Variants in SOX6 observed in about 807,000 individuals in gnomAD.
The protein encoded by SOX6 is SRY-box transcription factor 6.
Under a neutral mutation model 97.8 loss-of-function variants are expected in SOX6, and 11 were observed. The ratio of observed to expected loss-of-function variants is 0.11; its 90% CI spans 0.07 to 0.19. The LOEUF is 0.19. SOX6 is among the 10% of genes least tolerant of loss of function. The probability of loss-of-function intolerance (pLI) is 1.00; values close to 1 mark genes in which losing one functional copy is unlikely to be tolerated. For synonymous variants in SOX6, 360 were observed against 371.4 expected (o/e 0.97, Z 0.35); for missense variants, 810 against 1,039.5 (o/e 0.78, Z 3.04).
At chr11:16,130,046 T>C (rs988641546) in intron 6 of SOX6, among the ~76,000 whole-genome samples, 8 of 151,972 alleles carry the variant, frequency 5.3e-5, no homozygotes, top group Non-Finnish European at 1.2e-4. Flanking sequence ...ATCATAATCA[T>C]AGAAAATCTT....
chr11:16,103,151 A>T (rs1454112931), intron 7 of SOX6, among the ~76,000 whole-genome samples: 2 of 152,080 alleles, frequency 1.3e-5, no homozygotes, highest in Non-Finnish European at 2.9e-5. Context: ...AATATCCAGA[A>T]TCTACAAAGA....
chr11:16,278,059 T>C (rs1238184158), intron 3 of SOX6, among the ~76,000 whole-genome samples: 2 of 152,180 alleles, frequency 1.3e-5, no homozygotes, highest in Admixed American at 1.3e-4. Flanking sequence ...TAGTGATTGA[T>C]AGGATCAACA....
intron 7 of SOX6, among the ~76,000 whole-genome samples, chr11:16,098,340 A>G (rs1848854980): frequency 6.6e-6 from 1 of 151,838 alleles, no homozygotes; most frequent in African/African-American, 2.4e-5. Context: ...AGCACTTATC[A>G]AACATATTTT....
At chr11:16,226,216 T>C (rs769902358) in intron 4 of SOX6, among the ~76,000 whole-genome samples, 2 of 152,118 alleles carry the variant, frequency 1.3e-5, no homozygotes, top group African/African-American at 4.8e-5. Context: ...TACAAGAACA[T>C]CTACCTTGAT....
chr11:16,211,495 G>A (rs1318431601), intron 4 of SOX6, among the ~76,000 whole-genome samples: 1 of 151,974 alleles, frequency 6.6e-6, no homozygotes, highest in African/African-American at 2.4e-5. Flanking sequence ...ATGGGGCAAG[G>A]TTTAAGGAAA....
intron 2 of SOX6, among the ~76,000 whole-genome samples, chr11:16,340,357 C>G (rs1856590841): frequency 6.6e-6 from 1 of 151,942 alleles, no homozygotes; most frequent in African/African-American, 2.4e-5. Flanking sequence ...TAATTAATGT[C>G]ACTGACTATG....
chr11:16,458,012 A>G (rs144828094), intron 1 of SOX6, among the ~76,000 whole-genome samples: 2 of 152,180 alleles, frequency 1.3e-5, no homozygotes, highest in Non-Finnish European at 2.9e-5. Context: ...TGATGATAAT[A>G]TATATCATAT....
Position 16,475,750 on chromosome 11 carries a change from C to T in SOX6, c.-5+565G>A, listed in dbSNP as rs577352382. 2.6e-5 allele frequency among the ~76,000 whole-genome samples: 4 copies of T among 151,996 alleles called. No homozygotes were observed. The East Asian group carries it at 7.7e-4, about 29-fold the overall frequency. On this transcript the variant is annotated intron_variant, in intron 1 of 15. Transcript: ENST00000396356. ...GCACATGCTGTTGGAAAAATGGTGC[C>T]GATAGACTTGCCCAATGCAGGGTTG...
At chr11:16,515,023 T>C (rs1860947453) in intron 4 of SOX6, among the ~76,000 whole-genome samples, 2 of 151,826 alleles carry the variant, frequency 1.3e-5, no homozygotes, top group Admixed American at 1.3e-4. Flanking sequence ...GCATGTGTCT[T>C]TATAGCAGCA....
intron 4 of SOX6, among the ~76,000 whole-genome samples, chr11:16,582,719 A>G (rs1848042645): frequency 6.6e-6 from 1 of 152,160 alleles, no homozygotes; most frequent in Non-Finnish European, 1.5e-5. Context: ...AAATCTAGAT[A>G]AAATAGTGGG....
At position 16,460,640 on chromosome 11, in the gene SOX6, T is replaced by C. The variant is rs79032988; in HGVS notation, c.-5+15675A>G. Among the ~76,000 whole-genome samples, 482 of 152,232 alleles carry C rather than the reference T, an allele frequency of 3.2e-3. 4 individuals carry two copies. Among genetic ancestry groups the C allele is most frequent in the African/African-American group, 0.011 (456 of 41,562 alleles). ...AGTAGAAGAGAGCCTGCATCTTAAG[T>C]ATAATATTTGCTGCAACTATATCTC... On this transcript the variant is annotated intron_variant, in intron 1 of 15. Transcript: ENST00000396356.
chr11:16,314,685 T>C (rs1218947893), intron 3 of SOX6: 1 of 152,198 alleles, frequency 6.6e-6, no homozygotes, highest in East Asian at 1.9e-4. Context: ...AAAATTTACA[T>C]TTCCTTAAAT....
At chr11:16,172,494 C>T (rs1180334165) in intron 6 of SOX6, among the ~76,000 whole-genome samples, 1 of 152,008 alleles carries the variant, frequency 6.6e-6, no homozygotes, top group East Asian at 1.9e-4. Context: ...CAAGCCATCA[C>T]AATACTTCAC....
At chr11:16,056,166 T>TC (rs1329163847) in intron 9 of SOX6, among the ~76,000 whole-genome samples, 1 of 152,046 alleles carries the variant, frequency 6.6e-6, no homozygotes, top group Admixed American at 6.6e-5. Flanking sequence ...AATTCAGGTT[T>TC]TTTTTTTTAA....
chr11:16,015,941 T>C (rs1011178563), intron 12 of SOX6, among the ~76,000 whole-genome samples: 1 of 152,108 alleles, frequency 6.6e-6, no homozygotes, highest in Non-Finnish European at 1.5e-5. Context: ...TCATGTCAGC[T>C]TGAATTTACA....
chr11:16,163,755 G>A (rs1359070083), intron 6 of SOX6, among the ~76,000 whole-genome samples: 1 of 152,194 alleles, frequency 6.6e-6, no homozygotes, highest in Non-Finnish European at 1.5e-5. Flanking sequence ...CAAAAGGAAT[G>A]GCAATCCAAG....
chr11:16,560,635 A>C (rs534043873), intron 4 of SOX6, among the ~76,000 whole-genome samples: 1 of 121,342 alleles, frequency 8.2e-6, no homozygotes, highest in South Asian at 2.2e-4. Flanking sequence ...TTATACGTAC[A>C]TATATGTTTA....
intron 1 of SOX6, among the ~76,000 whole-genome samples, chr11:16,395,464 C>A (rs770227550): frequency 1.1e-4 from 17 of 151,568 alleles, no homozygotes; most frequent in Non-Finnish European, 1.2e-4. Flanking sequence ...GAGAACACAG[C>A]ATTATGTGAA....
In SOX6 at chr11:16,318,455, C is replaced by T. The variant is rs2134302031; in HGVS notation, c.436G>A (p.Glu146Lys). 1.2e-6 allele frequency: 2 copies of T among 1,612,570 alleles called. No homozygotes were observed. Among genetic ancestry groups the T allele is most frequent in the Non-Finnish European group, 8.5e-7 (1 of 1,179,436 alleles). The part of the protein sequence containing the change: ...QKKLEEMTRT[E>K]QEDSSCMEKL... ...TGAAGTCCACACATACCCTCTTGTT[C>T]AGTCCGAGTCATTTCCTCAAGCTTC... is the stretch of plus-strand genomic sequence containing the variant. The change falls in exon 3 of 16, where the codon GAA (glutamate) becomes AAA (lysine). Residue 146 changes from glutamate (E) to lysine (K), a missense_variant. Coordinates refer to ENST00000683767, the MANE Select transcript of SOX6 (RefSeq NM_001367873.1).
Sources: allele counts gnomAD v4.1 joint callset (sites outside exome capture counted in the v4.1 genomes callset), GRCh38; gene constraint gnomAD v4.1.1; transcripts MANE v1.5; gene names NCBI Gene and HGNC (gene_info 2026-07-23, HGNC 2026-07-21).